Variants in SERINC3 observed in about 807,000 individuals in gnomAD.
SERINC3 encodes the protein tumor differentially expressed protein 1.
A neutral mutation model predicts 52.1 loss-of-function variants in SERINC3; 22 were observed. That is an observed-to-expected ratio of 0.42 (90% CI 0.30 to 0.60). The LOEUF (loss-of-function observed/expected upper bound fraction) is 0.60. SERINC3 is among the 20% of genes least tolerant of loss of function. The pLI, the probability that SERINC3 is intolerant of heterozygous loss-of-function variation, is 0.16. For synonymous variants in SERINC3, 226 were observed against 212.7 expected (o/e 1.06, Z -0.54); for missense variants, 564 against 584.6 (o/e 0.96, Z 0.36).
At position 44,498,532 on chromosome 20, in the gene SERINC3, C is replaced by T. The variant is rs1419477694; in HGVS notation, c.*1764G>A. ...CGGAGCCTGCAGTGAGCGGAGATCG[C>T]ACCATTGCACTCCAGCCTGGGCGAC... is the stretch of plus-strand genomic sequence containing the variant. On this transcript the variant is annotated 3_prime_UTR_variant, in exon 10 of 10. Transcript: ENST00000342374. 6.6e-6 allele frequency: 1 copy of T among 151,254 alleles called. No individual in the cohort carries two copies. Among genetic ancestry groups the T allele is most frequent in the East Asian group, 1.9e-4 (1 of 5,136 alleles). 9.4% of individuals were successfully genotyped at this position (151,254 alleles called of 1,614,324 possible).
In SERINC3 at chr20:44,511,400, G is replaced by A. The variant is rs769807084; in HGVS notation, c.396-32C>T. ...AAATATAAAAATGCATTTATGAAATGCTAAGTTTCACCCTTATACTGAGAA... is the reference window on the plus strand; with the variant it reads ...AAATATAAAAATGCATTTATGAAATACTAAGTTTCACCCTTATACTGAGAA... On this transcript the variant is annotated intron_variant, in intron 3 of 9. Transcript: ENST00000342374. 3.5e-6 allele frequency: 5 copies of A among 1,418,430 alleles called. No homozygotes were observed. In the African/African-American group the frequency reaches 7.0e-5, roughly 20 times the overall value. 87.9% of individuals were successfully genotyped at this position (1,418,430 alleles called of 1,614,324 possible).
Position 44,500,188 on chromosome 20 carries a change from TG to T in SERINC3, c.*107del. On this transcript the variant is annotated 3_prime_UTR_variant, in exon 10 of 10. Transcript: ENST00000342374. ...ATATAAACCTGCATACAGTCAAACT[TG>T]CAAAGCATTCACTTAATATTTTAGT... is the stretch of plus-strand genomic sequence containing the variant. 1 of 1,217,492 alleles carries T rather than the reference TG, an allele frequency of 8.2e-7. No individual in the cohort carries two copies. The allele number at this position is 1,217,492 out of a possible 1,614,324, so 75.4% of individuals were successfully genotyped here.
chr20:44,508,904 T>A (rs2123049763), intron 5 of SERINC3, among the ~76,000 whole-genome samples: 1 of 152,374 alleles, frequency 6.6e-6, no homozygotes, highest in African/African-American at 2.4e-5. Context: ...TTTATAAAGT[T>A]CTATCATTTG....
At chr20:44,508,859 G>A (rs1215705182) in intron 5 of SERINC3, among the ~76,000 whole-genome samples, 2 of 152,214 alleles carry the variant, frequency 1.3e-5, no homozygotes, top group African/African-American at 4.8e-5. Flanking sequence ...AAGGAAAATG[G>A]GTTGCAGATA....
rs1259550039 is a variant in SERINC3 at position 44,512,329 on chromosome 20, A to AC, written c.395+471_395+472insG. ...ACTCCATCTCCAAAAACAAAACAAA[A>AC]AAAAAAAAAAAAAAAGGAGAGAATT... On this transcript the variant is annotated intron_variant, in intron 3 of 9. Transcript: ENST00000342374. Among the ~76,000 whole-genome samples, 4 of 151,604 alleles carry AC rather than the reference A, an allele frequency of 2.6e-5. No homozygotes were observed. The East Asian group carries it at 7.7e-4, about 29-fold the overall frequency.
chr20:44,516,041 C>T (rs933044797), intron 1 of SERINC3, among the ~76,000 whole-genome samples: 1 of 152,116 alleles, frequency 6.6e-6, no homozygotes, highest in Admixed American at 6.5e-5. Flanking sequence ...TGGTGGCTCA[C>T]GCCTGTAATC....
intron 3 of SERINC3, among the ~76,000 whole-genome samples, chr20:44,512,504 C>G (rs771686748): frequency 6.6e-6 from 1 of 151,914 alleles, no homozygotes; most frequent in Non-Finnish European, 1.5e-5. Context: ...TGTGTGTGTA[C>G]GTAGTATCTA....
At chr20:44,497,032 C>T (rs1222245252), downstream of SERINC3, among the ~76,000 whole-genome samples, 1 of 152,106 alleles carries the variant, frequency 6.6e-6, no homozygotes, top group Non-Finnish European at 1.5e-5. Flanking sequence ...CCGGCTTTAA[C>T]GAGGTAAAAG....
rs528721913 is a variant in SERINC3, at chr20:44,501,242, C to T, written c.1114G>A (p.Val372Ile). Residue 372 changes from valine (V) to isoleucine (I), a missense_variant, in exon 9 of 10, where the codon GTC becomes ATC. By Grantham distance (29) the Val-to-Ile change is conservative (BLOSUM62 3). Transcript: ENST00000342374. ...DKLTLSGSDSVILGDTTTSGA... is the reference protein window; with the variant it reads ...DKLTLSGSDSIILGDTTTSGA... ...CTGGTAGTTGTATCACCAAGGATGACGCTGTCACTCCCTGACAGGGTCAGC... is the reference window on the plus strand; with the variant it reads ...CTGGTAGTTGTATCACCAAGGATGATGCTGTCACTCCCTGACAGGGTCAGC... 31 of 1,614,146 alleles carry T rather than the reference C, an allele frequency of 1.9e-5. No homozygotes were observed. In the Admixed American group the frequency reaches 2.0e-4, roughly 10 times the overall value.
In SERINC3 at chr20:44,499,453, G is replaced by A. The variant is rs1482126227; in HGVS notation, c.*843C>T. ...TAAAGAATGGCTGCTAACTATAAAAGCTGTTGGAAGAAAGGGCCTTAAAAT... is the reference window on the plus strand; with the variant it reads ...TAAAGAATGGCTGCTAACTATAAAAACTGTTGGAAGAAAGGGCCTTAAAAT... On this transcript the variant is annotated 3_prime_UTR_variant, in exon 10 of 10. Coordinates refer to ENST00000342374, the MANE Select transcript of SERINC3 (RefSeq NM_006811.4). 6.6e-6 allele frequency: 1 copy of A among 152,286 alleles called. No individual in the cohort carries two copies. Among genetic ancestry groups the A allele is most frequent in the East Asian group, 1.9e-4 (1 of 5,332 alleles). 9.4% of individuals were successfully genotyped at this position (152,286 alleles called of 1,614,324 possible). A position where few individuals can be genotyped will look rare whatever the true frequency, so the allele number is the denominator to read the frequency against.
At chr20:44,506,160 G>A (rs1238893524) in intron 6 of SERINC3, among the ~76,000 whole-genome samples, 1 of 151,308 alleles carries the variant, frequency 6.6e-6, no homozygotes, top group Non-Finnish European at 1.5e-5. Context: ...AATTAGCCGG[G>A]CATGGTGGCA....
At chr20:44,520,297 A>G (rs904390698) in intron 1 of SERINC3, among the ~76,000 whole-genome samples, 1 of 152,162 alleles carries the variant, frequency 6.6e-6, no homozygotes, top group Non-Finnish European at 1.5e-5. Context: ...AATCCCTTGG[A>G]GGTTGAAGAG....
chr20:44,511,267 C>A (rs1446043016), intron 4 of SERINC3, 22 bp downstream of exon 4: 3 of 1,499,246 alleles, frequency 2.0e-6, no homozygotes, highest in Non-Finnish European at 1.9e-6. Flanking sequence ...TTAAAATTAA[C>A]CCCCTCAATG....
Position 44,513,927 on chromosome 20 carries a change from G to C in SERINC3, c.153C>G (p.Val51=). Residue 51 remains valine (V), a synonymous_variant, in exon 2 of 10, where the codon GTC becomes GTG. Coordinates refer to ENST00000342374, the MANE Select transcript of SERINC3 (RefSeq NM_006811.4). The stretch of plus-strand genomic sequence containing the variant: ...CTTTTCTCTGCATGATATAGGATAC[G>C]ACAGTGCTCAGGAGGAGAATGAAAG... The part of the protein sequence containing the change: ...IYAFILLLST[V]VSYIMQRKEM... 2.5e-6 allele frequency: 4 copies of C among 1,614,028 alleles called. No homozygotes were observed. Among genetic ancestry groups the C allele is most frequent in the Non-Finnish European group, 3.4e-6 (4 of 1,179,988 alleles).
intron 1 of SERINC3, among the ~76,000 whole-genome samples, chr20:44,515,573 G>A (rs909366041): frequency 3.3e-5 from 5 of 152,154 alleles, no homozygotes; most frequent in African/African-American, 1.2e-4. Flanking sequence ...ATGGGTAAAG[G>A]ATTTCCCTTT....
chr20:44,514,105 C>G, intron 1 of SERINC3, 65 bp from the exon 2 acceptor site: 1 of 1,501,712 alleles, frequency 6.7e-7, no homozygotes, highest in Non-Finnish European at 9.0e-7. Flanking sequence ...ACACAGATGT[C>G]GCAGAAGAGA....
intron 6 of SERINC3, 110 bp from the exon 7 acceptor site, chr20:44,505,001 G>A (rs1221664592): frequency 2.7e-6 from 2 of 732,148 alleles, no homozygotes; most frequent in African/African-American, 1.7e-5. Flanking sequence ...GAGAACTTTC[G>A]GATTCTTCTT....
Position 44,522,067 on chromosome 20 carries a change from T to G in SERINC3, c.-116A>C. Reference sequence around the variant, plus strand: ...GGTTTCTCAGGCCGGAAACGCAGCCTTCCACAGACGCACGGATGCGTCACG... The same window carrying G: ...GGTTTCTCAGGCCGGAAACGCAGCCGTCCACAGACGCACGGATGCGTCACG... On this transcript the variant is annotated 5_prime_UTR_variant, in exon 1 of 10. Coordinates refer to ENST00000342374, the MANE Select transcript of SERINC3 (RefSeq NM_006811.4). 8.7e-7 allele frequency: 1 copy of G among 1,148,846 alleles called. No individual in the cohort carries two copies. Among genetic ancestry groups the G allele is most frequent in the South Asian group, 1.4e-5 (1 of 71,788 alleles). 71.2% of individuals were successfully genotyped at this position (1,148,846 alleles called of 1,614,324 possible).
chr20:44,519,148 A>C (rs1307401431), intron 1 of SERINC3, among the ~76,000 whole-genome samples: 1 of 152,208 alleles, frequency 6.6e-6, no homozygotes, highest in African/African-American at 2.4e-5. Context: ...TTCCCAGCCT[A>C]CACTGCTTTA....
Sources: allele counts gnomAD v4.1 joint callset (sites outside exome capture counted in the v4.1 genomes callset), GRCh38; gene constraint gnomAD v4.1.1; transcripts MANE v1.5; gene names NCBI Gene and HGNC (gene_info 2026-07-23, HGNC 2026-07-21).